ADGRL3: variants seen among roughly 807,000 people sequenced by gnomAD.
ADGRL3 encodes the protein adhesion G protein-coupled receptor L3.
ADGRL3 carries 62 observed loss-of-function variants against 153.5 expected under a neutral mutation model. The ratio of observed to expected loss-of-function variants is 0.40; its 90% confidence interval spans 0.33 to 0.50. The LOEUF is 0.50. ADGRL3 is among the 20% of genes least tolerant of loss of function. The pLI, the probability that ADGRL3 is intolerant of heterozygous loss-of-function variation, is 0.47. For synonymous variants in ADGRL3, 710 were observed against 672.5 expected (o/e 1.06, Z -0.86); for missense variants, 1,641 against 1,859.4 (o/e 0.88, Z 2.16).
chr4:61,497,463 T>A, intron 3 of ADGRL3, 115 bp downstream of exon 3: 1 of 571,872 alleles, frequency 1.7e-6, no homozygotes, highest in Non-Finnish European at 3.0e-6. Flanking sequence ...TATCATATGT[T>A]AGTATGAGTA....
chr4:61,752,188 A>G (rs942832695), intron 8 of ADGRL3, among the ~76,000 whole-genome samples: 6 of 152,184 alleles, frequency 3.9e-5, no homozygotes, highest in African/African-American at 1.4e-4. Context: ...GTAACCAAAA[A>G]CAGATTAACA....
chr4:61,768,072 A>C (rs952157475), intron 8 of ADGRL3, among the ~76,000 whole-genome samples: 1 of 152,106 alleles, frequency 6.6e-6, no homozygotes, highest in South Asian at 2.1e-4. Flanking sequence ...CTGCCAAACG[A>C]GCCATGAACT....
At chr4:61,844,786 C>T (rs1467202938) in intron 9 of ADGRL3, among the ~76,000 whole-genome samples, 2 of 151,790 alleles carry the variant, frequency 1.3e-5, no homozygotes, top group Admixed American at 6.6e-5. Context: ...CCAACAGACT[C>T]AAGCTACTTT....
intron 5 of ADGRL3, among the ~76,000 whole-genome samples, chr4:61,630,960 G>A (rs757866748): frequency 7.2e-5 from 11 of 152,144 alleles, no homozygotes; most frequent in Non-Finnish European, 1.3e-4. Context: ...CTAAATAAAT[G>A]CTTACTACGT....
chr4:61,474,107 G>T (rs930311431), intron 2 of ADGRL3, among the ~76,000 whole-genome samples: 2 of 152,116 alleles, frequency 1.3e-5, no homozygotes, highest in African/African-American at 4.8e-5. Context: ...GTTCATGCTT[G>T]AGCTTCTACT....
intron 1 of ADGRL3, among the ~76,000 whole-genome samples, chr4:61,299,277 T>C (rs1314902152): frequency 6.6e-6 from 1 of 152,092 alleles, no homozygotes; most frequent in African/African-American, 2.4e-5. Flanking sequence ...TACAGCATCA[T>C]AGTGAGGCTG....
At chr4:61,355,404 A>G (rs1226179371) in intron 1 of ADGRL3, among the ~76,000 whole-genome samples, 2 of 152,118 alleles carry the variant, frequency 1.3e-5, no homozygotes, top group Non-Finnish European at 1.5e-5. Flanking sequence ...TAATTTCTCA[A>G]TTCTTAATGG....
intron 1 of ADGRL3, among the ~76,000 whole-genome samples, chr4:61,266,053 TAACAAACTC>T (rs982989811): frequency 6.6e-6 from 1 of 151,906 alleles, no homozygotes; most frequent in African/African-American, 2.4e-5. Flanking sequence ...GATAACTTGA[TAACAAACTC>T]AACAGTAATT....
intron 5 of ADGRL3, among the ~76,000 whole-genome samples, chr4:61,600,126 G>A (rs967957140): frequency 1.3e-5 from 2 of 151,908 alleles, no homozygotes; most frequent in Non-Finnish European, 2.9e-5. Context: ...TGGCCAACAT[G>A]ATGAAACCCC....
At chr4:62,002,585 A>G (rs955797269) in intron 21 of ADGRL3, among the ~76,000 whole-genome samples, 1 of 151,978 alleles carries the variant, frequency 6.6e-6, no homozygotes, top group East Asian at 1.9e-4. Context: ...GAGTGAAGTA[A>G]TATAGGTAAT....
At chr4:61,335,736 G>A (rs2095661668) in intron 1 of ADGRL3, among the ~76,000 whole-genome samples, 1 of 152,156 alleles carries the variant, frequency 6.6e-6, no homozygotes, top group African/African-American at 2.4e-5. Flanking sequence ...TTTATGAGGT[G>A]AATTGGAAAG....
At chr4:61,500,107 TATA>T (rs1294084754) in intron 3 of ADGRL3, among the ~76,000 whole-genome samples, 1 of 151,298 alleles carries the variant, frequency 6.6e-6, no homozygotes, top group African/African-American at 2.4e-5. Flanking sequence ...CAATCCCTAG[TATA>T]ATAATAGGAC....
chr4:61,256,670 A>G (rs2092003062), intron 1 of ADGRL3, among the ~76,000 whole-genome samples: 1 of 152,160 alleles, frequency 6.6e-6, no homozygotes, highest in African/African-American at 2.4e-5. Flanking sequence ...TGCCTTACGA[A>G]TGATTCGCTT....
chr4:61,308,356 GT>G (rs2094877759), intron 1 of ADGRL3, among the ~76,000 whole-genome samples: 1 of 152,196 alleles, frequency 6.6e-6, no homozygotes, highest in Admixed American at 6.5e-5. Context: ...CCCTGGAAGG[GT>G]GACAGTGAGA....
intron 21 of ADGRL3, among the ~76,000 whole-genome samples, chr4:62,011,791 G>T (rs1380843301): frequency 6.6e-6 from 1 of 152,030 alleles, no homozygotes; most frequent in Non-Finnish European, 1.5e-5. Context: ...ATTACTTAAA[G>T]TCAAAGTTCT....
chr4:61,412,480 C>G (rs954069301), intron 2 of ADGRL3, among the ~76,000 whole-genome samples: 1 of 152,184 alleles, frequency 6.6e-6, no homozygotes, highest in African/African-American at 2.4e-5. Flanking sequence ...TCTGGGAATA[C>G]TGATGTGGAT....
At chr4:61,656,007 G>GT (rs1406443782) in intron 5 of ADGRL3, among the ~76,000 whole-genome samples, 6 of 152,114 alleles carry the variant, frequency 3.9e-5, no homozygotes, top group Non-Finnish European at 8.8e-5. Context: ...GGTTGACTTA[G>GT]TTTTCTCTGT....
At chr4:61,480,236 TAA>T (rs1332980798) in intron 2 of ADGRL3, among the ~76,000 whole-genome samples, 1 of 152,196 alleles carries the variant, frequency 6.6e-6, no homozygotes, top group Non-Finnish European at 1.5e-5. Context: ...TCTACTGCTA[TAA>T]GTTTGACTAT....
At chr4:61,886,814 T>G (rs1349710737) in intron 9 of ADGRL3, among the ~76,000 whole-genome samples, 1 of 151,646 alleles carries the variant, frequency 6.6e-6, no homozygotes, top group African/African-American at 2.4e-5. Flanking sequence ...GCTAATTTTT[T>G]TTTTTGTATT....
Sources: allele counts gnomAD v4.1 joint callset (sites outside exome capture counted in the v4.1 genomes callset), GRCh38; gene constraint gnomAD v4.1.1; transcripts MANE v1.5; gene names NCBI Gene and HGNC (gene_info 2026-07-23, HGNC 2026-07-21).